The following QTMAN variants were observed in gnomAD, a reference collection of about 807,000 sequenced individuals.
The protein encoded by QTMAN is queuosine-tRNA mannosyltransferase.
At chr2:143,984,714 G>A in the QTMAN span, among the ~76,000 whole-genome samples, 34 of 152,282 alleles carry the variant, frequency 2.2e-4, no homozygotes, top group South Asian at 7.0e-3. Flanking sequence ...CACACAGAAG[G>A]GAGAAGTGTC....
chr2:144,227,604 G>C, the QTMAN span, among the ~76,000 whole-genome samples: 1 of 152,150 alleles, frequency 6.6e-6, no homozygotes, highest in Non-Finnish European at 1.5e-5. Context: ...AAGACACCAA[G>C]ATGACCCAAT....
At chr2:144,055,164 T>C in the QTMAN span, among the ~76,000 whole-genome samples, 2 of 152,180 alleles carry the variant, frequency 1.3e-5, no homozygotes, top group Admixed American at 1.3e-4. Flanking sequence ...AGTCTGTAAA[T>C]GAGTTGAAGG....
chr2:144,015,541 G>C, the QTMAN span, among the ~76,000 whole-genome samples: 1 of 151,772 alleles, frequency 6.6e-6, no homozygotes, highest in Admixed American at 6.6e-5. Flanking sequence ...GAATCATGCT[G>C]GGCTCTCTGT....
the QTMAN span, among the ~76,000 whole-genome samples, chr2:144,088,743 G>A: frequency 6.6e-6 from 1 of 152,042 alleles, no homozygotes; most frequent in African/African-American, 2.4e-5. Flanking sequence ...TTCAATAAAT[G>A]ATGCTGAGAA....
the QTMAN span, chr2:143,946,720 G>A: frequency 7.8e-6 from 2 of 256,914 alleles, no homozygotes; most frequent in Non-Finnish European, 7.4e-6. Flanking sequence ...GAAATTCAAT[G>A]TGGCACCACA....
At chr2:144,039,237 C>CT in the QTMAN span, among the ~76,000 whole-genome samples, 18 of 152,166 alleles carry the variant, frequency 1.2e-4, no homozygotes, top group African/African-American at 3.9e-4. Context: ...TGCGAACGTG[C>CT]TTTGTGAATA....
At chr2:144,151,386 T>C in the QTMAN span, among the ~76,000 whole-genome samples, 2 of 152,278 alleles carry the variant, frequency 1.3e-5, no homozygotes, top group East Asian at 3.9e-4. Context: ...CTTTTGTTTA[T>C]GTAATTCATG....
the QTMAN span, among the ~76,000 whole-genome samples, chr2:144,200,426 A>G: frequency 6.6e-5 from 10 of 152,234 alleles, no homozygotes; most frequent in African/African-American, 2.4e-4. Flanking sequence ...GTTCTAGACC[A>G]GTGGTGTCCA....
chr2:144,114,097 G>A, the QTMAN span, among the ~76,000 whole-genome samples: 3 of 152,114 alleles, frequency 2.0e-5, no homozygotes, highest in African/African-American at 7.2e-5. Context: ...GCTCAGCAGA[G>A]CCCCTTAATG....
At chr2:144,118,561 A>G in the QTMAN span, among the ~76,000 whole-genome samples, 5 of 152,184 alleles carry the variant, frequency 3.3e-5, no homozygotes, top group Admixed American at 2.0e-4. Flanking sequence ...ACTATGCTCT[A>G]TGATGTTGAA....
chr2:144,099,449 A>T, the QTMAN span, among the ~76,000 whole-genome samples: 1 of 152,228 alleles, frequency 6.6e-6, no homozygotes, highest in African/African-American at 2.4e-5. Flanking sequence ...AAGGAGAGTC[A>T]TGTACTCTCT....
the QTMAN span, among the ~76,000 whole-genome samples, chr2:144,079,443 ATTGT>A: frequency 1.3e-5 from 2 of 152,274 alleles, no homozygotes; most frequent in South Asian, 2.1e-4. Context: ...AATATTATAG[ATTGT>A]TTGAAAATGA....
chr2:144,169,334 C>T, the QTMAN span, among the ~76,000 whole-genome samples: 1 of 152,088 alleles, frequency 6.6e-6, no homozygotes, highest in African/African-American at 2.4e-5. Flanking sequence ...CAAGTATATA[C>T]AAAAACTGAC....
the QTMAN span, among the ~76,000 whole-genome samples, chr2:144,198,520 T>A: frequency 1.3e-5 from 2 of 152,136 alleles, no homozygotes; most frequent in Non-Finnish European, 2.9e-5. Context: ...GTGATCCATA[T>A]GGTAAGAGCC....
chr2:144,316,622 A>C, the QTMAN span, among the ~76,000 whole-genome samples: 10 of 152,194 alleles, frequency 6.6e-5, no homozygotes, highest in African/African-American at 2.4e-4. Context: ...TACTTTACTA[A>C]TAATAAAGGC....
At chr2:143,948,212 C>G in the QTMAN span, among the ~76,000 whole-genome samples, 1 of 152,142 alleles carries the variant, frequency 6.6e-6, no homozygotes, top group African/African-American at 2.4e-5. Context: ...AAGATAACCA[C>G]AAATGGCTTT....
chr2:144,001,699 A>G, the QTMAN span, among the ~76,000 whole-genome samples: 1 of 151,854 alleles, frequency 6.6e-6, no homozygotes, highest in African/African-American at 2.4e-5. Context: ...AGAATTTCTT[A>G]TATCATAGAT....
chr2:144,113,625 G>A, the QTMAN span, among the ~76,000 whole-genome samples: 1 of 152,164 alleles, frequency 6.6e-6, no homozygotes, highest in African/African-American at 2.4e-5. Flanking sequence ...TCTAAACCAG[G>A]TAAATCCCCC....
At chr2:144,169,872 A>T in the QTMAN span, among the ~76,000 whole-genome samples, 2 of 152,096 alleles carry the variant, frequency 1.3e-5, no homozygotes, top group Non-Finnish European at 2.9e-5. Flanking sequence ...ATGTATTTTC[A>T]TTATAGGATA....
Sources: gnomAD v4.1 joint callset for allele counts (sites outside exome capture counted in the v4.1 genomes callset) on GRCh38, gnomAD v4.1.1 for gene constraint, MANE v1.5 for transcripts, NCBI Gene and HGNC (gene_info 2026-07-23, HGNC 2026-07-21) for gene names.